The following SMC5 variants were observed in gnomAD, a reference collection of about 807,000 sequenced individuals.
SMC5 encodes the protein structural maintenance of chromosomes 5, also known as structural maintenance of chromosomes protein 5.
SMC5 carries 88 observed loss-of-function variants against 148.3 expected under a neutral mutation model. The ratio of observed to expected loss-of-function variants is 0.59; its 90% CI spans 0.50 to 0.71. The LOEUF (loss-of-function observed/expected upper bound fraction) is 0.71. Among genes scored for constraint, SMC5 ranks in the 30% least tolerant of loss-of-function variants. The probability of loss-of-function intolerance (pLI) is 0.00; values close to 1 mark genes in which losing one functional copy is unlikely to be tolerated. For synonymous variants in SMC5, 421 were observed against 432.8 expected, an observed-to-expected ratio of 0.97 and a Z score of 0.34; for missense variants, 1,142 against 1,298.9, an observed-to-expected ratio of 0.88 and a Z score of 1.86.
intron 3 of SMC5, among the ~76,000 whole-genome samples, chr9:70,270,574 A>G (rs983865856): frequency 2.0e-5 from 3 of 150,500 alleles, no homozygotes; most frequent in African/African-American, 7.4e-5. Context: ...AAAAAGACAC[A>G]CTTGTCACCT....
intron 6 of SMC5, among the ~76,000 whole-genome samples, chr9:70,281,948 A>G (rs2034761607): frequency 6.8e-6 from 1 of 148,118 alleles, no homozygotes; most frequent in Non-Finnish European, 1.5e-5. Flanking sequence ...GTGCCACTTA[A>G]TTTTTTTTTA....
chr9:70,350,983 G>A (rs552594232), intron 24 of SMC5, among the ~76,000 whole-genome samples: 25 of 152,244 alleles, frequency 1.6e-4, no homozygotes, highest in African/African-American at 6.0e-4. Flanking sequence ...ATCTAGTGCT[G>A]TGAGTAAATT....
At chr9:70,284,527 A>G (rs1277009103) in intron 7 of SMC5, among the ~76,000 whole-genome samples, 4 of 152,156 alleles carry the variant, frequency 2.6e-5, no homozygotes, top group African/African-American at 9.7e-5. Context: ...TGTTACTGTA[A>G]AACTACTTTT....
intron 3 of SMC5, among the ~76,000 whole-genome samples, chr9:70,274,148 C>T (rs900295032): frequency 9.2e-5 from 14 of 152,226 alleles, no homozygotes; most frequent in Non-Finnish European, 1.6e-4. Context: ...GTGGCGTGAT[C>T]TCGGCTCACT....
intron 1 of SMC5, among the ~76,000 whole-genome samples, chr9:70,262,727 A>G (rs940356445): frequency 5.9e-5 from 9 of 152,202 alleles, no homozygotes; most frequent in Non-Finnish European, 1.0e-4. Flanking sequence ...CTTGGAGAAA[A>G]AAAGGAATCA....
At chr9:70,285,300 C>G (rs935657284) in intron 7 of SMC5, among the ~76,000 whole-genome samples, 1 of 152,124 alleles carries the variant, frequency 6.6e-6, no homozygotes, top group East Asian at 1.9e-4. Context: ...GCACAAGCTT[C>G]CAAGGGTCCT....
chr9:70,321,005 C>T (rs1185682036), intron 15 of SMC5, among the ~76,000 whole-genome samples: 1 of 152,136 alleles, frequency 6.6e-6, no homozygotes, highest in African/African-American at 2.4e-5. Flanking sequence ...AAATGATGTC[C>T]TGTTACCACC....
intron 8 of SMC5, among the ~76,000 whole-genome samples, chr9:70,287,494 A>C (rs1587644457): frequency 6.6e-6 from 1 of 152,144 alleles, no homozygotes; most frequent in Non-Finnish European, 1.5e-5. Flanking sequence ...GTGTGTTTCT[A>C]TTCTTCAGGA....
chr9:70,289,073 T>A (rs2034986336), intron 8 of SMC5, among the ~76,000 whole-genome samples: 1 of 152,176 alleles, frequency 6.6e-6, no homozygotes, highest in African/African-American at 2.4e-5. Context: ...AGTCTTGCTC[T>A]GTCTCCGAGG....
In SMC5 at chr9:70,286,180, T is replaced by C. The variant is rs1180123; in HGVS notation, c.982-20T>C. 1,184,232 of 1,190,250 alleles carry C rather than the reference T, an allele frequency of 0.99. 589,327 individuals carry two copies. Among genetic ancestry groups the C allele is most frequent in the East Asian group, 1 (39,497 of 39,508 alleles). 73.7% of individuals were successfully genotyped at this position (1,190,250 alleles called of 1,614,324 possible). On this transcript the variant is annotated intron_variant, in intron 7 of 24. Coordinates refer to ENST00000361138, the MANE Select transcript of SMC5 (RefSeq NM_015110.4). ...GTTTTTAACTAGCTGTCCCCCCCTC[T>C]CCCCGGTTTAATTTTACAGGCAACA...
chr9:70,343,145 CTCTT>C (rs2036567989), intron 17 of SMC5, among the ~76,000 whole-genome samples: 1 of 141,198 alleles, frequency 7.1e-6, no homozygotes, highest in Non-Finnish European at 1.5e-5. Context: ...TCCTTTCAGT[CTCTT>C]TTTTTTTTTT....
intron 8 of SMC5, among the ~76,000 whole-genome samples, chr9:70,287,411 C>T (rs2034935235): frequency 6.6e-6 from 1 of 152,000 alleles, no homozygotes; most frequent in Non-Finnish European, 1.5e-5. Flanking sequence ...CGTGGGTGGG[C>T]CTGACGACAA....
At chr9:70,310,192 C>A (rs76514980) in intron 11 of SMC5, among the ~76,000 whole-genome samples, 2 of 152,168 alleles carry the variant, frequency 1.3e-5, no homozygotes, top group African/African-American at 4.8e-5. Context: ...TGCCCAGATT[C>A]ATCAGAGGAG....
intron 17 of SMC5, among the ~76,000 whole-genome samples, chr9:70,329,556 C>G (rs1471589111): frequency 6.6e-6 from 1 of 152,160 alleles, no homozygotes. Context: ...CTGAGACCAC[C>G]TTAATCTGGA....
chr9:70,338,203 T>G (rs1026442612), intron 17 of SMC5, among the ~76,000 whole-genome samples: 1 of 151,860 alleles, frequency 6.6e-6, no homozygotes, highest in Non-Finnish European at 1.5e-5. Context: ...GTAGGGATAG[T>G]TCTCACTATG....
At chr9:70,307,436 C>T (rs370472720) in intron 11 of SMC5, among the ~76,000 whole-genome samples, 27 of 152,032 alleles carry the variant, frequency 1.8e-4, no homozygotes, top group African/African-American at 6.3e-4. Context: ...GCTTTTTCTT[C>T]TCCTCCATTT....
chr9:70,318,829 G>T lies in SMC5; in HGVS notation c.2016G>T (p.Gly672=). The change falls in exon 15 of 25, where the codon GGG becomes GGT. Residue 672 remains glycine, a synonymous_variant. Coordinates refer to ENST00000361138, the MANE Select transcript of SMC5 (RefSeq NM_015110.4). ...GAAAATTGCAAGCAGTGGATTCAGG[G>T]TTGATTGCCTTACGTGAAACAAGCA... ...IHRKLQAVDS[G]LIALRETSKH... 1 of 1,601,854 alleles carries T rather than the reference G, an allele frequency of 6.2e-7. No homozygotes were observed. Among genetic ancestry groups the T allele is most frequent in the Non-Finnish European group, 8.5e-7 (1 of 1,175,818 alleles).
chr9:70,317,838 T>G (rs1006097906), intron 13 of SMC5, among the ~76,000 whole-genome samples: 12 of 152,328 alleles, frequency 7.9e-5, no homozygotes, highest in African/African-American at 2.6e-4. Context: ...TTCATTTGAT[T>G]ATTCTTCCCA....
At chr9:70,264,897 A>G (rs1197846670) in intron 2 of SMC5, among the ~76,000 whole-genome samples, 2 of 152,214 alleles carry the variant, frequency 1.3e-5, no homozygotes, top group East Asian at 3.8e-4. Flanking sequence ...GGTGTAGCCT[A>G]TTGCTCCTAG....
Sources: allele counts gnomAD v4.1 joint callset (sites outside exome capture counted in the v4.1 genomes callset), GRCh38; gene constraint gnomAD v4.1.1; transcripts MANE v1.5; gene names NCBI Gene and HGNC (gene_info 2026-07-23, HGNC 2026-07-21).